The following MINDY3 variants were observed in gnomAD, a reference collection of about 807,000 sequenced individuals.
MINDY3 encodes the protein ubiquitin carboxyl-terminal hydrolase MINDY-3.
A neutral mutation model predicts 69.2 loss-of-function variants in MINDY3; 38 were observed. The observed-to-expected ratio is 0.55, with a 90% confidence interval of 0.42 to 0.72. MINDY3 has a LOEUF of 0.72. Ranked by LOEUF, MINDY3 falls within the 30% of genes least tolerant of loss-of-function variation. The pLI, the probability that MINDY3 is intolerant of heterozygous loss-of-function variation, is 0.00. For missense variants in MINDY3, 522 were observed against 519.0 expected, an observed-to-expected ratio of 1.01 and a Z score of -0.06; for synonymous variants, 192 against 180.1, an observed-to-expected ratio of 1.07 and a Z score of -0.53.
rs189638254 is a variant in MINDY3, at chr10:15,850,083, G to C, written c.95-2140C>G. Among the ~76,000 whole-genome samples the C allele has an allele frequency of 2.6e-5, 4 of 152,102 alleles. No individual in the cohort carries two copies. The South Asian group carries it at 8.3e-4, about 32-fold the overall frequency. On this transcript the variant is annotated intron_variant, in intron 1 of 14. Transcript: ENST00000277632. ...AATTAATACTTTTATAATTTCTTACGCCTGTCTTTACTGCAATCTCTGAAC... is the reference window on the plus strand; with the variant it reads ...AATTAATACTTTTATAATTTCTTACCCCTGTCTTTACTGCAATCTCTGAAC...
At chr10:15,845,778 C>A (rs192121796) in intron 2 of MINDY3, among the ~76,000 whole-genome samples, 2,324 of 143,474 alleles carry the variant, frequency 0.016, 54 homozygotes, top group African/African-American at 0.055. Flanking sequence ...AAGTGCTGGG[C>A]TTACAGGTGT....
chr10:15,791,713 GT>G (rs1353295795), intron 11 of MINDY3, among the ~76,000 whole-genome samples: 3 of 152,118 alleles, frequency 2.0e-5, no homozygotes, highest in Non-Finnish European at 4.4e-5. Flanking sequence ...CTTAGAGATT[GT>G]GGGGAGGAAT....
Position 15,860,268 on chromosome 10 carries a change from A to G in MINDY3, c.32T>C (p.Leu11Pro), listed in dbSNP as rs1835003884. The G allele has an allele frequency of 6.2e-7, 1 of 1,609,420 alleles. No individual in the cohort carries two copies. The change falls in exon 1 of 15, where the codon CTG (leucine) becomes CCG (proline). Residue 11 changes from leucine to proline, a missense_variant. By Grantham distance (98) the Leu-to-Pro change is moderately conservative. Transcript: ENST00000277632. ...GGGGCTGCTCTTGGTGCCCCACACC[A>G]GCTCCATCAGCTCTTTAGTCAGTTC... The part of the protein sequence containing the change: MSELTKELME[L>P]VWGTKSSPGL...
At chr10:15,838,164 G>T in intron 5 of MINDY3, 64 bp downstream of exon 5, 1 of 1,523,214 alleles carries the variant, frequency 6.6e-7, no homozygotes, top group South Asian at 1.3e-5. Flanking sequence ...TCCACAGTAT[G>T]AACAGACTTA....
chr10:15,851,713 C>A (rs1030883287), intron 1 of MINDY3, among the ~76,000 whole-genome samples: 2 of 152,040 alleles, frequency 1.3e-5, no homozygotes, highest in African/African-American at 4.8e-5. Flanking sequence ...TCCTTCCTCC[C>A]TCCTGTCCAG....
At chr10:15,790,646 T>G (rs1588515340) in intron 11 of MINDY3, among the ~76,000 whole-genome samples, 1 of 152,158 alleles carries the variant, frequency 6.6e-6, no homozygotes, top group Admixed American at 6.6e-5. Context: ...TATATCCATT[T>G]GATATTACAG....
At chr10:15,779,163 C>A (rs769555275) in intron 14 of MINDY3, 22 bp from the exon 15 acceptor site, 19 of 1,605,418 alleles carry the variant, frequency 1.2e-5, no homozygotes, top group Non-Finnish European at 1.5e-5. Context: ...AATAAAGCCA[C>A]CAAGGTCAAG....
intron 11 of MINDY3, among the ~76,000 whole-genome samples, chr10:15,791,729 C>G (rs1330164041): frequency 6.6e-6 from 1 of 152,076 alleles, no homozygotes; most frequent in Non-Finnish European, 1.5e-5. Flanking sequence ...AGGAATAACT[C>G]AATGCAAAGG....
At chr10:15,801,380 A>C (rs1259373232) in intron 10 of MINDY3, among the ~76,000 whole-genome samples, 1 of 152,152 alleles carries the variant, frequency 6.6e-6, no homozygotes, top group Non-Finnish European at 1.5e-5. Flanking sequence ...GCTGTATAAG[A>C]AAGAAGGCCT....
intron 1 of MINDY3, among the ~76,000 whole-genome samples, chr10:15,859,861 C>T (rs1834967454): frequency 6.6e-6 from 1 of 152,204 alleles, no homozygotes; most frequent in South Asian, 2.1e-4. Context: ...TGCGGAAGGC[C>T]ACAGCACCCC....
chr10:15,849,300 C>T (rs747517312), intron 1 of MINDY3, among the ~76,000 whole-genome samples: 16 of 152,102 alleles, frequency 1.1e-4, no homozygotes, highest in Admixed American at 2.6e-4. Context: ...AAATTTAACA[C>T]AGCTAAAGGG....
chr10:15,827,279 C>T (rs929576227), intron 8 of MINDY3, among the ~76,000 whole-genome samples: 11 of 151,344 alleles, frequency 7.3e-5, no homozygotes, highest in Admixed American at 3.3e-4. Flanking sequence ...CGGTAGCTCA[C>T]GCCTGTAATC....
intron 10 of MINDY3, among the ~76,000 whole-genome samples, chr10:15,809,314 A>G (rs756803252): frequency 1.4e-4 from 21 of 152,218 alleles, no homozygotes; most frequent in Admixed American, 5.2e-4. Context: ...CCTTCATCTA[A>G]TAAGAGCTAG....
At chr10:15,851,513 G>C (rs79543877) in intron 1 of MINDY3, among the ~76,000 whole-genome samples, 1 of 151,816 alleles carries the variant, frequency 6.6e-6, no homozygotes, top group African/African-American at 2.4e-5. Flanking sequence ...TGATACACCT[G>C]CTAACCATTT....
chr10:15,840,018 A>G lies in MINDY3; in HGVS notation c.409+1408T>C, dbSNP rs181947156. On this transcript the variant is annotated intron_variant, in intron 4 of 14. Coordinates refer to ENST00000277632, the MANE Select transcript of MINDY3 (RefSeq NM_024948.4). ...CTGCATAGCATATTTCATAGTATGC[A>G]CTCAGTATACTGTTAAGATACTAAT... Among the ~76,000 whole-genome samples the G allele has an allele frequency of 1.3e-3, 203 of 151,804 alleles. 1 individual carries two copies. Among genetic ancestry groups the G allele is most frequent in the African/African-American group, 4.5e-3 (188 of 41,540 alleles).
At chr10:15,856,417 A>AG (rs1391168913) in intron 1 of MINDY3, among the ~76,000 whole-genome samples, 1 of 151,558 alleles carries the variant, frequency 6.6e-6, no homozygotes, top group Admixed American at 6.6e-5. Flanking sequence ...CTGGGGAAAA[A>AG]GAAAAAAAAA....
chr10:15,857,603 C>A (rs1716694744), intron 1 of MINDY3, among the ~76,000 whole-genome samples: 1 of 152,000 alleles, frequency 6.6e-6, no homozygotes. Context: ...TAAATTTTCA[C>A]GTTAAAATAA....
At chr10:15,800,448 T>C (rs958411263) in intron 10 of MINDY3, among the ~76,000 whole-genome samples, 1 of 152,132 alleles carries the variant, frequency 6.6e-6, no homozygotes, top group African/African-American at 2.4e-5. Context: ...TGAGCTTGTG[T>C]TGTATCTGCT....
chr10:15,809,480 G>A (rs370206114), intron 10 of MINDY3, among the ~76,000 whole-genome samples: 5 of 152,244 alleles, frequency 3.3e-5, no homozygotes, highest in African/African-American at 9.6e-5. Flanking sequence ...GATTTCTGAA[G>A]ACCCATGCCT....
Sources: allele counts gnomAD v4.1 joint callset (sites outside exome capture counted in the v4.1 genomes callset), GRCh38; gene constraint gnomAD v4.1.1; transcripts MANE v1.5; gene names NCBI Gene and HGNC (gene_info 2026-07-23, HGNC 2026-07-21).